PKIB: variants seen among roughly 807,000 people sequenced by gnomAD.
PKIB encodes PKI-beta.
PKIB carries 2 observed loss-of-function variants against 4.5 expected under a neutral mutation model. That is an observed-to-expected ratio of 0.44 (90% CI 0.18 to 1.39). The LOEUF (loss-of-function observed/expected upper bound fraction) is 1.39. PKIB is among the 40% of genes most tolerant of loss of function. PKIB has a pLI of 0.27. For synonymous variants in PKIB, 38 were observed against 36.0 expected, an observed-to-expected ratio of 1.06 and a Z score of -0.20; for missense variants, 94 against 92.6, an observed-to-expected ratio of 1.02 and a Z score of -0.06.
chr6:122,482,337 TC>T (rs1775645774), intron 2 of PKIB: 2 of 152,252 alleles, frequency 1.3e-5, no homozygotes, highest in Admixed American at 6.5e-5. Flanking sequence ...AGTTGGCTGT[TC>T]CCTGAGGGTA....
intron 1 of PKIB, among the ~76,000 whole-genome samples, chr6:122,611,338 G>T (rs1774747383): frequency 6.6e-6 from 1 of 152,176 alleles, no homozygotes. Context: ...CCCGGGGAAC[G>T]CAGCCAACGG....
chr6:122,601,470 C>G (rs1774361048), intron 3 of PKIB, among the ~76,000 whole-genome samples: 3 of 152,104 alleles, frequency 2.0e-5, no homozygotes, highest in African/African-American at 4.8e-5. Flanking sequence ...ATCTTCCTTA[C>G]TACTCAAGAA....
chr6:122,709,127 G>T (rs945854108), intron 3 of PKIB, among the ~76,000 whole-genome samples: 2 of 152,148 alleles, frequency 1.3e-5, no homozygotes, highest in African/African-American at 4.8e-5. Context: ...TAGTTCATTT[G>T]AGTCCAGGGT....
Position 122,590,272 on chromosome 6 carries a change from T to C in PKIB, c.-161+4265T>C, listed in dbSNP as rs564960714. 1.2e-3 allele frequency among the ~76,000 whole-genome samples: 182 copies of C among 152,308 alleles called. 1 individual carries two copies. The highest frequency in any genetic ancestry group is 2.5e-3 in the South Asian group (12 of 4,826). ...TAAAAAATCATTCACAGTGAAACTT[T>C]GTGAGGTTTATTTATGGGAAGCTAT... On this transcript the variant is annotated intron_variant, in intron 3 of 6. Transcript: ENST00000392491.
chr6:122,537,274 G>A (rs546555129), intron 2 of PKIB, among the ~76,000 whole-genome samples: 88 of 151,944 alleles, frequency 5.8e-4, no homozygotes, highest in African/African-American at 1.9e-3. Context: ...CCATTAACTC[G>A]TCATTTAGCA....
chr6:122,725,354 A>T lies in PKIB; in HGVS notation c.*159A>T, dbSNP rs1779915585. Reference sequence around the variant, plus strand: ...TTGTGTTGTGATGCTACTCACTTTGATTGCAATGATGATGTCCAAGGTAAG... The same window carrying T: ...TTGTGTTGTGATGCTACTCACTTTGTTTGCAATGATGATGTCCAAGGTAAG... On this transcript the variant is annotated 3_prime_UTR_variant, in exon 5 of 5. Transcript: ENST00000368452. 1.6e-6 allele frequency: 1 copy of T among 612,840 alleles called. No individual in the cohort carries two copies. 38.0% of individuals were successfully genotyped at this position (612,840 alleles called of 1,614,324 possible).
At chr6:122,547,204 G>A (rs1217594040) in intron 2 of PKIB, among the ~76,000 whole-genome samples, 1 of 152,110 alleles carries the variant, frequency 6.6e-6, no homozygotes, top group Non-Finnish European at 1.5e-5. Flanking sequence ...CACGCCCAGT[G>A]TTAGGTTCCA....
chr6:122,687,639 T>G (rs1168552849), intron 3 of PKIB, among the ~76,000 whole-genome samples: 1 of 152,174 alleles, frequency 6.6e-6, no homozygotes, highest in African/African-American at 2.4e-5. Context: ...CCTCTTTAAT[T>G]TCTTTTGTCA....
At chr6:122,548,008 G>T (rs914622232) in intron 2 of PKIB, among the ~76,000 whole-genome samples, 1 of 152,052 alleles carries the variant, frequency 6.6e-6, no homozygotes, top group Non-Finnish European at 1.5e-5. Context: ...GGATACACAG[G>T]TTATACACAT....
chr6:122,712,136 A>G lies in PKIB; in HGVS notation c.-8-5651A>G, dbSNP rs773461142. 5.3e-5 allele frequency among the ~76,000 whole-genome samples: 8 copies of G among 152,190 alleles called. 1 individual carries two copies. Among genetic ancestry groups the G allele is most frequent in the Admixed American group, 1.3e-4 (2 of 15,274 alleles). ...AATAGGAGATATGTAAAGCATTTAC[A>G]TTTTAGGAGTGGGTAATTTTACTTT... is the stretch of plus-strand genomic sequence containing the variant. On this transcript the variant is annotated intron_variant, in intron 3 of 4. Transcript: ENST00000368452.
At chr6:122,539,417 T>A (rs1307117937) in intron 2 of PKIB, among the ~76,000 whole-genome samples, 1 of 152,100 alleles carries the variant, frequency 6.6e-6, no homozygotes, top group Non-Finnish European at 1.5e-5. Flanking sequence ...GTCAAAGGCC[T>A]TTTCTGCATC....
chr6:122,501,443 T>C (rs1261937359), intron 2 of PKIB, among the ~76,000 whole-genome samples: 3 of 152,194 alleles, frequency 2.0e-5, no homozygotes, highest in Non-Finnish European at 4.4e-5. Flanking sequence ...TCCTCTGATA[T>C]CTAGGAAGAG....
chr6:122,649,889 A>G (rs996532290), intron 2 of PKIB, among the ~76,000 whole-genome samples: 3 of 152,186 alleles, frequency 2.0e-5, no homozygotes, highest in African/African-American at 7.2e-5. Context: ...CAACATCTCT[A>G]TCTGCTACTG....
chr6:122,563,456 G>A (rs1773091055), intron 2 of PKIB, among the ~76,000 whole-genome samples: 1 of 152,030 alleles, frequency 6.6e-6, no homozygotes, highest in Non-Finnish European at 1.5e-5. Flanking sequence ...TCAGGTGGTG[G>A]CGCTTTCCAG....
intron 2 of PKIB, among the ~76,000 whole-genome samples, chr6:122,484,706 T>A (rs184941099): frequency 3.0e-4 from 46 of 152,290 alleles, no homozygotes; most frequent in African/African-American, 1.0e-3. Flanking sequence ...ATGTGTATGA[T>A]CTCAAACCCT....
chr6:122,538,573 T>G (rs1196297598), intron 2 of PKIB, among the ~76,000 whole-genome samples: 3 of 152,112 alleles, frequency 2.0e-5, no homozygotes, highest in African/African-American at 7.3e-5. Flanking sequence ...GCTGTTTTGG[T>G]TACTGTAGCC....
intron 2 of PKIB, among the ~76,000 whole-genome samples, chr6:122,509,895 CT>C (rs1776532015): frequency 6.6e-6 from 1 of 150,984 alleles, no homozygotes; most frequent in Admixed American, 6.6e-5. Flanking sequence ...TCCTACTGAT[CT>C]GGGCTTGTTG....
intron 3 of PKIB, among the ~76,000 whole-genome samples, chr6:122,683,638 C>T (rs1480135356): frequency 6.6e-6 from 1 of 152,142 alleles, no homozygotes; most frequent in African/African-American, 2.4e-5. Context: ...GTGGAGTTCT[C>T]ATTTAACCAA....
chr6:122,593,322 A>T (rs1443063472), intron 3 of PKIB, among the ~76,000 whole-genome samples: 1 of 152,152 alleles, frequency 6.6e-6, no homozygotes, highest in East Asian at 1.9e-4. Context: ...TATGCTTTTT[A>T]TTTTTTTGAA....
Sources: gnomAD v4.1 joint callset for allele counts (sites outside exome capture counted in the v4.1 genomes callset) on GRCh38, gnomAD v4.1.1 for gene constraint, MANE v1.5 for transcripts, NCBI Gene and HGNC (gene_info 2026-07-23, HGNC 2026-07-21) for gene names.